LINGO2: variants seen among roughly 807,000 people sequenced by gnomAD.
The protein encoded by LINGO2 is leucine rich repeat and Ig domain containing 2.
In LINGO2, 14 loss-of-function variants were observed where a neutral mutation model predicts 30.6. The ratio of observed to expected loss-of-function variants is 0.46; its 90% CI spans 0.30 to 0.72. The LOEUF is 0.72. Among genes scored for constraint, LINGO2 ranks in the 30% least tolerant of loss-of-function variants. The pLI is 0.07. For synonymous variants in LINGO2, 317 were observed against 288.5 expected, an observed-to-expected ratio of 1.10 and a Z score of -1.00; for missense variants, 729 against 751.7, an observed-to-expected ratio of 0.97 and a Z score of 0.35.
At chr9:28,930,617 T>C in the LINGO2 span, among the ~76,000 whole-genome samples, 7 of 152,192 alleles carry the variant, frequency 4.6e-5, no homozygotes, top group African/African-American at 1.4e-4. This position sits in a 1 kb window ranked among gnomAD's most constrained non-coding sequence, Gnocchi z 4.2. Flanking sequence ...GTATCTTTTA[T>C]CTTTGTATCT....
At chr9:28,980,120 G>A in the LINGO2 span, among the ~76,000 whole-genome samples, 1 of 152,030 alleles carries the variant, frequency 6.6e-6, no homozygotes, top group Non-Finnish European at 1.5e-5. Flanking sequence ...GAATCCTTGA[G>A]CAAAAATTAA....
At chr9:28,251,231 A>T (rs566030138) in intron 4 of LINGO2, among the ~76,000 whole-genome samples, 29 of 152,086 alleles carry the variant, frequency 1.9e-4, no homozygotes, top group Non-Finnish European at 4.3e-4. Flanking sequence ...TAAACTCAGG[A>T]ACCTTTTTTT....
At chr9:28,752,623 G>A in the LINGO2 span, among the ~76,000 whole-genome samples, 1 of 152,048 alleles carries the variant, frequency 6.6e-6, no homozygotes, top group Non-Finnish European at 1.5e-5. Flanking sequence ...GTTCAAAAGT[G>A]AGTATTTCAA....
the LINGO2 span, among the ~76,000 whole-genome samples, chr9:28,898,929 T>C: frequency 1.3e-5 from 2 of 151,888 alleles, no homozygotes; most frequent in Non-Finnish European, 2.9e-5. Context: ...AAAATGAAAG[T>C]TAAACAAAAA....
At chr9:28,137,263 A>G (rs1302334499) in intron 4 of LINGO2, among the ~76,000 whole-genome samples, 4 of 152,060 alleles carry the variant, frequency 2.6e-5, no homozygotes, top group Admixed American at 6.6e-5. Flanking sequence ...GCAAATATAT[A>G]CATTTAACAC....
chr9:28,778,895 C>T, the LINGO2 span, among the ~76,000 whole-genome samples: 435 of 152,174 alleles, frequency 2.9e-3, 5 homozygotes, highest in African/African-American at 9.9e-3. Context: ...GCATTAGATT[C>T]TGAAAATATT....
chr9:28,560,672 T>C (rs1563825206), intron 1 of LINGO2, among the ~76,000 whole-genome samples: 1 of 152,044 alleles, frequency 6.6e-6, no homozygotes, highest in Non-Finnish European at 1.5e-5. Context: ...TTTATTTATT[T>C]ATATATTTTT....
At chr9:28,282,509 T>C (rs1351300053) in intron 4 of LINGO2, among the ~76,000 whole-genome samples, 2 of 152,070 alleles carry the variant, frequency 1.3e-5, no homozygotes, top group African/African-American at 4.8e-5. Flanking sequence ...AACACTGCCC[T>C]TTCTGCTAGT....
chr9:29,039,537 C>T, the LINGO2 span, among the ~76,000 whole-genome samples: 1 of 152,152 alleles, frequency 6.6e-6, no homozygotes. Flanking sequence ...CTTGAGAAGC[C>T]TCTTCTCGCC....
intron 4 of LINGO2, among the ~76,000 whole-genome samples, chr9:28,091,994 A>G (rs1003935531): frequency 3.3e-5 from 5 of 152,322 alleles, no homozygotes; most frequent in Admixed American, 3.3e-4. Flanking sequence ...AGGCACAATG[A>G]GATACCATCT....
intron 4 of LINGO2, among the ~76,000 whole-genome samples, chr9:28,169,496 C>G (rs1828522222): frequency 1.3e-5 from 2 of 152,172 alleles, no homozygotes; most frequent in Admixed American, 1.3e-4. Flanking sequence ...GATAGGAAGT[C>G]TAACTTTATT....
chr9:28,982,645 G>A, the LINGO2 span, among the ~76,000 whole-genome samples: 1 of 151,806 alleles, frequency 6.6e-6, no homozygotes, highest in Admixed American at 6.6e-5. Flanking sequence ...TTTTTCTAAA[G>A]CTTTCACAAT....
chr9:28,943,608 T>C, the LINGO2 span, among the ~76,000 whole-genome samples: 1 of 152,228 alleles, frequency 6.6e-6, no homozygotes, highest in African/African-American at 2.4e-5. Flanking sequence ...CAGGGTTTAT[T>C]ATTCCTATTG....
chr9:28,207,949 T>C (rs1027184610), intron 4 of LINGO2, among the ~76,000 whole-genome samples: 20 of 152,066 alleles, frequency 1.3e-4, no homozygotes, highest in Admixed American at 6.6e-4. Context: ...TCCATGCATG[T>C]ATGAATAAGT....
chr9:28,482,245 G>A (rs1826001620), intron 1 of LINGO2, among the ~76,000 whole-genome samples: 1 of 151,944 alleles, frequency 6.6e-6, no homozygotes, highest in African/African-American at 2.4e-5. Context: ...CACCAACAGT[G>A]TAAAAGTGTT....
intron 4 of LINGO2, among the ~76,000 whole-genome samples, chr9:28,220,246 G>A (rs977614999): frequency 2.0e-5 from 3 of 152,276 alleles, no homozygotes; most frequent in Middle Eastern, 3.4e-3. Context: ...AGGGATGACT[G>A]TAGTCCTTTG....
chr9:28,556,983 T>C (rs1292845293), intron 1 of LINGO2, among the ~76,000 whole-genome samples: 8 of 152,088 alleles, frequency 5.3e-5, no homozygotes, highest in African/African-American at 1.7e-4. Flanking sequence ...TTACACCTTA[T>C]ACAAAAATCA....
At chr9:28,667,220 TCA>T (rs1403309311) in intron 1 of LINGO2, among the ~76,000 whole-genome samples, 5 of 152,176 alleles carry the variant, frequency 3.3e-5, no homozygotes, top group African/African-American at 1.2e-4. Flanking sequence ...ATTGTAATTT[TCA>T]CAGTTTTTTC....
chr9:28,009,371 A>C (rs1179159229), intron 5 of LINGO2, among the ~76,000 whole-genome samples: 2 of 151,700 alleles, frequency 1.3e-5, no homozygotes, highest in Non-Finnish European at 2.9e-5. Context: ...AAAAAAGATA[A>C]AATGGGCTCT....
Sources: allele counts gnomAD v4.1 joint callset (sites outside exome capture counted in the v4.1 genomes callset), GRCh38; gene constraint gnomAD v4.1.1; non-coding constraint Gnocchi (gnomAD v3.1); transcripts MANE v1.5; gene names NCBI Gene and HGNC (gene_info 2026-07-23, HGNC 2026-07-21).